SEPTIN9: variants seen among roughly 807,000 people sequenced by gnomAD.
The protein encoded by SEPTIN9 is septin-9.
Under a neutral mutation model 56.6 loss-of-function variants are expected in SEPTIN9, and 13 were observed. The ratio of observed to expected loss-of-function variants is 0.23; its 90% CI spans 0.15 to 0.37. SEPTIN9 has a LOEUF of 0.37. Ranked by LOEUF, SEPTIN9 falls within the 10% of genes least tolerant of loss-of-function variation. SEPTIN9 has a pLI of 1.00. For missense variants in SEPTIN9, 650 were observed against 823.1 expected, an observed-to-expected ratio of 0.79 and a Z score of 2.57; for synonymous variants, 332 against 334.1, an observed-to-expected ratio of 0.99 and a Z score of 0.07.
rs1025784429 is a variant in SEPTIN9, at chr17:77,487,295, C to T, written c.914-129C>T. The T allele has an allele frequency of 8.8e-5, 90 of 1,018,528 alleles. No individual in the cohort carries two copies. Among genetic ancestry groups the T allele is most frequent in the African/African-American group, 7.8e-4 (49 of 62,710 alleles). 63.1% of individuals were successfully genotyped at this position (1,018,528 alleles called of 1,614,324 possible). ...GGGGGCTGCTTGGCAGGGATATTGC[C>T]GGGAGGTAGCCCAGGCACTGCTGAA... On this transcript the variant is annotated intron_variant, in intron 4 of 11. Transcript: ENST00000427177. This position sits in a 1 kb window ranked among gnomAD's most constrained non-coding sequence, Gnocchi z 4.3.
intron 7 of SEPTIN9, among the ~76,000 whole-genome samples, chr17:77,490,137 G>C (rs390994): frequency 0.58 from 88,006 of 152,158 alleles, 27,361 homozygotes; most frequent in African/African-American, 0.82. Context: ...TGCCCGGAGC[G>C]GGCTTCTCCC....
At chr17:77,426,526 G>C (rs2036918784) in intron 3 of SEPTIN9, among the ~76,000 whole-genome samples, 1 of 152,128 alleles carries the variant, frequency 6.6e-6, no homozygotes, top group African/African-American at 2.4e-5. Context: ...ACTCCCCTCA[G>C]CCCCTGTTCA....
intron 2 of SEPTIN9, among the ~76,000 whole-genome samples, chr17:77,363,630 C>T (rs1015844957): frequency 8.6e-5 from 13 of 152,024 alleles, no homozygotes; most frequent in African/African-American, 2.9e-4. Context: ...TCAGGTGATC[C>T]GCCCACCTTG....
Position 77,434,941 on chromosome 17 carries a change from C to T in SEPTIN9, c.721+32238C>T, listed in dbSNP as rs148444131. ...AGCAGAGACCTCACCCTTCCTCTGC[C>T]GACATCAGGCTGCCGGTGCTGGACG... On this transcript the variant is annotated intron_variant, in intron 3 of 11. Transcript: ENST00000427177. This position sits in a 1 kb window ranked among gnomAD's most constrained non-coding sequence, Gnocchi z 5.0. Among the ~76,000 whole-genome samples, 449 of 152,198 alleles carry T rather than the reference C, an allele frequency of 3.0e-3. 2 individuals are homozygous for T. Among genetic ancestry groups the T allele is most frequent in the African/African-American group, 8.9e-3 (368 of 41,510 alleles).
chr17:77,475,914 A>T lies in SEPTIN9; in HGVS notation c.722-6230A>T, dbSNP rs764405086. On this transcript the variant is annotated intron_variant, in intron 3 of 11. Coordinates refer to ENST00000427177, the MANE Select transcript of SEPTIN9 (RefSeq NM_001113491.2). This position sits in a 1 kb window ranked among gnomAD's most constrained non-coding sequence, Gnocchi z 4.6. ...GCAGTGACAGACAAGGTGTGTGGGGATGTGGCCATTTCGGTCCGTGCTCTG... is the reference window on the plus strand; with the variant it reads ...GCAGTGACAGACAAGGTGTGTGGGGTTGTGGCCATTTCGGTCCGTGCTCTG... The T allele has an allele frequency of 6.2e-7, 1 of 1,604,240 alleles. No homozygotes were observed. Among genetic ancestry groups the T allele is most frequent in the African/African-American group, 1.3e-5 (1 of 74,690 alleles).
intron 2 of SEPTIN9, chr17:77,373,157 G>C (rs982738533): frequency 2.9e-6 from 3 of 1,042,686 alleles, no homozygotes; most frequent in South Asian, 4.6e-5. Context: ...GTGTGCCCAG[G>C]ACTGTCCCCC....
intron 2 of SEPTIN9, among the ~76,000 whole-genome samples, chr17:77,325,548 G>C (rs1332275648): frequency 2.0e-5 from 3 of 152,138 alleles, no homozygotes; most frequent in African/African-American, 7.2e-5. Context: ...CTAGGCTGAT[G>C]GCAGGGCCAG....
At position 77,422,945 on chromosome 17, in the gene SEPTIN9, T is replaced by C. The variant is rs59158639; in HGVS notation, c.721+20242T>C. On this transcript the variant is annotated intron_variant, in intron 3 of 11. Transcript: ENST00000427177. ...ACCCCTCGTCCCCACAGCCTTCTGG[T>C]TCGTCTCCCTTTTCCTGCTGGGATC... Among the ~76,000 whole-genome samples the C allele has an allele frequency of 2.9e-3, 447 of 152,294 alleles. 1 individual carries two copies. The highest frequency in any genetic ancestry group is 9.9e-3 in the African/African-American group (412 of 41,566).
intron 7 of SEPTIN9, among the ~76,000 whole-genome samples, chr17:77,490,460 G>C (rs1428005218): frequency 6.6e-6 from 1 of 152,248 alleles, no homozygotes; most frequent in Non-Finnish European, 1.5e-5. Flanking sequence ...GACATGTAGG[G>C]GTGTGGTTGG....
intron 3 of SEPTIN9, among the ~76,000 whole-genome samples, chr17:77,414,092 T>A (rs949741122): frequency 1.3e-5 from 2 of 152,164 alleles, no homozygotes; most frequent in African/African-American, 4.8e-5. Flanking sequence ...TTATTTATTT[T>A]TTTGAGACGG....
intron 2 of SEPTIN9, among the ~76,000 whole-genome samples, chr17:77,361,694 G>C (rs9906647): frequency 0.23 from 34,752 of 151,226 alleles, 4,462 homozygotes; most frequent in East Asian, 0.61. Flanking sequence ...GTGCAGTGGC[G>C]CTATCTCGGC....
chr17:77,316,920 G>A (rs1253349803), intron 2 of SEPTIN9, among the ~76,000 whole-genome samples: 1 of 152,002 alleles, frequency 6.6e-6, no homozygotes, highest in Non-Finnish European at 1.5e-5. Flanking sequence ...TCAATACAAA[G>A]AAAGATATTA....
At chr17:77,302,405 C>T (rs939776041) in intron 1 of SEPTIN9, among the ~76,000 whole-genome samples, 1 of 152,190 alleles carries the variant, frequency 6.6e-6, no homozygotes, top group Non-Finnish European at 1.5e-5. Flanking sequence ...CCTGGCCGGG[C>T]GTGGTGGCTC....
In SEPTIN9 at chr17:77,333,078, A is replaced by G. The variant is rs137922363; in HGVS notation, c.76+25881A>G. Among the ~76,000 whole-genome samples, 363 of 152,336 alleles carry G rather than the reference A, an allele frequency of 2.4e-3. 1 individual carries two copies. Among genetic ancestry groups the G allele is most frequent in the Non-Finnish European group, 3.2e-3 (215 of 68,028 alleles). On this transcript the variant is annotated intron_variant, in intron 2 of 11. Coordinates refer to ENST00000427177, the MANE Select transcript of SEPTIN9 (RefSeq NM_001113491.2). ...GGCCCTTCCATTTCACACTCCCACCAGCAATGGATACGAGTTCTAGTTGCT... is the reference window on the plus strand; with the variant it reads ...GGCCCTTCCATTTCACACTCCCACCGGCAATGGATACGAGTTCTAGTTGCT...
At chr17:77,364,468 C>T (rs1381185968) in intron 2 of SEPTIN9, among the ~76,000 whole-genome samples, 2 of 152,246 alleles carry the variant, frequency 1.3e-5, no homozygotes, top group Non-Finnish European at 2.9e-5. Flanking sequence ...TGGCTGTGAA[C>T]GTCGGTGCCT....
chr17:77,467,183 G>A (rs551235991), intron 3 of SEPTIN9, among the ~76,000 whole-genome samples: 39 of 152,342 alleles, frequency 2.6e-4, no homozygotes, highest in African/African-American at 9.4e-4. Flanking sequence ...CCTTCTGCTG[G>A]TGTCTCAGAA....
At chr17:77,481,059 G>A (rs140812921) in intron 3 of SEPTIN9, among the ~76,000 whole-genome samples, 181 of 152,284 alleles carry the variant, frequency 1.2e-3, no homozygotes, top group Non-Finnish European at 2.0e-3. Flanking sequence ...GACCTGGCCC[G>A]TGTACCAGCC....
At chr17:77,479,232 C>T (rs993828663) in intron 3 of SEPTIN9, among the ~76,000 whole-genome samples, 1 of 152,228 alleles carries the variant, frequency 6.6e-6, no homozygotes, top group Non-Finnish European at 1.5e-5. Context: ...CGGACGGTGT[C>T]GTGGTCACAG....
At chr17:77,301,053 C>T (rs1188169360) in intron 1 of SEPTIN9, among the ~76,000 whole-genome samples, 3 of 140,206 alleles carry the variant, frequency 2.1e-5, no homozygotes, top group Admixed American at 7.1e-5. Context: ...AGGCTCAAAC[C>T]GCTCCCACCC....
Sources: allele counts gnomAD v4.1 joint callset (sites outside exome capture counted in the v4.1 genomes callset), GRCh38; gene constraint gnomAD v4.1.1; non-coding constraint Gnocchi (gnomAD v3.1); transcripts MANE v1.5; gene names NCBI Gene and HGNC (gene_info 2026-07-23, HGNC 2026-07-21).